Variants in GSG1L observed in about 807,000 individuals in gnomAD.
The protein encoded by GSG1L is germ cell-specific gene 1-like protein.
Under a neutral mutation model 42.1 loss-of-function variants are expected in GSG1L, and 24 were observed. The ratio of observed to expected loss-of-function variants is 0.57; its 90% CI spans 0.41 to 0.80. The LOEUF (loss-of-function observed/expected upper bound fraction) is 0.80, where lower values mean the gene tolerates loss of function less well. Ranked by LOEUF, GSG1L falls within the 30% of genes least tolerant of loss-of-function variation. The pLI is 0.00. For synonymous variants in GSG1L, 215 were observed against 203.5 expected (o/e 1.06, Z -0.48); for missense variants, 445 against 472.2 (o/e 0.94, Z 0.53).
intron 2 of GSG1L, among the ~76,000 whole-genome samples, chr16:27,926,329 T>C (rs1243933323): frequency 1.3e-5 from 2 of 152,108 alleles, no homozygotes; most frequent in East Asian, 1.9e-4. Context: ...GTCCCTGCCG[T>C]TGCAAAACTC....
At chr16:27,872,112 GA>G (rs2083828954) in intron 3 of GSG1L, among the ~76,000 whole-genome samples, 1 of 152,174 alleles carries the variant, frequency 6.6e-6, no homozygotes, top group South Asian at 2.1e-4. Flanking sequence ...TATGAGCTCT[GA>G]AGTTCACCTC....
At chr16:27,794,550 C>G (rs2082796246) in intron 6 of GSG1L, among the ~76,000 whole-genome samples, 1 of 152,024 alleles carries the variant, frequency 6.6e-6, no homozygotes, top group Non-Finnish European at 1.5e-5. Context: ...CCAGGATGGT[C>G]TCAATCTCCT....
intron 4 of GSG1L, among the ~76,000 whole-genome samples, chr16:27,838,929 G>A (rs1180078337): frequency 3.3e-5 from 5 of 152,152 alleles, no homozygotes; most frequent in Non-Finnish European, 5.9e-5. Flanking sequence ...GATGAGTAAG[G>A]GCAGACTTCC....
chr16:27,933,616 T>C (rs1596623779), intron 2 of GSG1L, among the ~76,000 whole-genome samples: 1 of 124,840 alleles, frequency 8.0e-6, no homozygotes, highest in African/African-American at 3.1e-5. Context: ...ACTACTGCAC[T>C]CCAGCCTGGG....
At chr16:27,998,858 T>C (rs1350933032) in intron 1 of GSG1L, among the ~76,000 whole-genome samples, 1 of 151,336 alleles carries the variant, frequency 6.6e-6, no homozygotes, top group Non-Finnish European at 1.5e-5. Context: ...TCCCTCCACC[T>C]GAAATGCTTT....
At chr16:27,963,086 A>C in intron 2 of GSG1L, 70 bp downstream of exon 2, 1 of 1,323,728 alleles carries the variant, frequency 7.6e-7, no homozygotes, top group Non-Finnish European at 1.1e-6. Flanking sequence ...GGCTTTGGGG[A>C]GCCACCAAGG....
At chr16:27,900,053 C>T (rs946257945) in intron 2 of GSG1L, among the ~76,000 whole-genome samples, 1 of 152,200 alleles carries the variant, frequency 6.6e-6, no homozygotes, top group African/African-American at 2.4e-5. Context: ...TCAGTCTCCC[C>T]ATCCTGAGCA....
At chr16:27,889,437 G>A (rs980447705) in intron 2 of GSG1L, among the ~76,000 whole-genome samples, 2 of 152,316 alleles carry the variant, frequency 1.3e-5, no homozygotes, top group Non-Finnish European at 2.9e-5. Flanking sequence ...AGGGCTGACA[G>A]TTATGAGGTC....
chr16:27,971,867 C>T (rs572359625), intron 1 of GSG1L, among the ~76,000 whole-genome samples: 48 of 151,966 alleles, frequency 3.2e-4, no homozygotes, highest in Non-Finnish European at 5.7e-4. Flanking sequence ...GGATATTTGC[C>T]GTCTCTTTAG....
At chr16:28,013,219 C>A (rs75350879) in intron 1 of GSG1L, among the ~76,000 whole-genome samples, 216 of 141,884 alleles carry the variant, frequency 1.5e-3, no homozygotes, top group South Asian at 2.0e-3. Context: ...AACTCTGACT[C>A]AAAAAAAAAA....
chr16:28,001,646 T>TG (rs1312046620), intron 1 of GSG1L, among the ~76,000 whole-genome samples: 44 of 152,306 alleles, frequency 2.9e-4, no homozygotes, highest in African/African-American at 1.1e-3. Context: ...CCTCTGATCT[T>TG]GGGGGATGTG....
At chr16:27,927,645 C>T (rs987215042) in intron 2 of GSG1L, among the ~76,000 whole-genome samples, 1 of 152,162 alleles carries the variant, frequency 6.6e-6, no homozygotes, top group Non-Finnish European at 1.5e-5. Flanking sequence ...GCCCTAAGTT[C>T]CTACCTTAGT....
At chr16:27,888,053 T>C (rs1596587169) in intron 2 of GSG1L, 2 of 978,128 alleles carry the variant, frequency 2.0e-6, no homozygotes, top group Non-Finnish European at 2.4e-6. Context: ...AACCCAACAG[T>C]CTTTACCTCG....
At position 27,946,660 on chromosome 16, in the gene GSG1L, GAAAGAAA is replaced by G. The variant is rs1567530129; in HGVS notation, c.397+16489_397+16495del. ...GAAAGAAAGAAAGAAAGAAAGAAAA[GAAAGAAA>G]GAAAGAAAGAAAGAAAGAAAGAAAG... On this transcript the variant is annotated intron_variant, in intron 2 of 6. Coordinates refer to ENST00000447459, the MANE Select transcript of GSG1L (RefSeq NM_001109763.2). 1.1e-3 allele frequency among the ~76,000 whole-genome samples: 129 copies of G among 120,644 alleles called. 2 individuals are homozygous for G. Among genetic ancestry groups the G allele is most frequent in the African/African-American group, 3.9e-3 (126 of 32,528 alleles). 79.1% of individuals were successfully genotyped at this position (120,644 alleles called of 152,430 possible).
At chr16:27,958,635 GAGACTTTCA>G (rs2085033438) in intron 2 of GSG1L, among the ~76,000 whole-genome samples, 1 of 152,002 alleles carries the variant, frequency 6.6e-6, no homozygotes. Context: ...GGGTTTATAA[GAGACTTTCA>G]TCTGTAATTT....
chr16:27,877,089 G>A (rs761265121), intron 3 of GSG1L, among the ~76,000 whole-genome samples: 1 of 152,138 alleles, frequency 6.6e-6, no homozygotes, highest in Non-Finnish European at 1.5e-5. Flanking sequence ...AATTTGCCCA[G>A]CCCGCTCACA....
At chr16:28,057,231 C>G (rs1263885425) in intron 1 of GSG1L, among the ~76,000 whole-genome samples, 3 of 152,094 alleles carry the variant, frequency 2.0e-5, no homozygotes, top group Non-Finnish European at 2.9e-5. Context: ...AGGGAACCCT[C>G]CAGCCACCGG....
At chr16:27,909,385 T>C (rs1463152414) in intron 2 of GSG1L, among the ~76,000 whole-genome samples, 2 of 144,936 alleles carry the variant, frequency 1.4e-5, no homozygotes, top group Admixed American at 6.9e-5. Context: ...CTTTTTCTTT[T>C]TTTTTTTTTT....
chr16:28,029,333 A>T (rs1596713816), intron 1 of GSG1L, among the ~76,000 whole-genome samples: 1 of 152,232 alleles, frequency 6.6e-6, no homozygotes. Context: ...CTGACACCAG[A>T]CTGAGATGGG....
Sources: allele counts gnomAD v4.1 joint callset (sites outside exome capture counted in the v4.1 genomes callset), GRCh38; gene constraint gnomAD v4.1.1; transcripts MANE v1.5; gene names NCBI Gene and HGNC (gene_info 2026-07-23, HGNC 2026-07-21).